UMAD1: variants seen among roughly 807,000 people sequenced by gnomAD.
UMAD1 encodes UBAP1-MVB12-associated (UMA) domain containing 1.
In UMAD1, 8 loss-of-function variants were observed where a neutral mutation model predicts 6.1. The ratio of observed to expected loss-of-function variants is 1.30; its 90% CI spans 0.76 to 2.35. The LOEUF (loss-of-function observed/expected upper bound fraction) is 2.35, where lower values mean the gene tolerates loss of function less well. Ranked by LOEUF, UMAD1 falls within the 30% of genes most tolerant of loss-of-function variation. The pLI, the probability that UMAD1 is intolerant of heterozygous loss-of-function variation, is 0.00. For missense variants in UMAD1, 130 were observed against 78.4 expected (o/e 1.66, Z -2.49); for synonymous variants, 56 against 31.4 (o/e 1.78, Z -2.61).
intron 2 of UMAD1, among the ~76,000 whole-genome samples, chr7:7,796,168 A>G (rs1353841292): frequency 6.6e-6 from 1 of 151,928 alleles, no homozygotes; most frequent in Non-Finnish European, 1.5e-5. Context: ...CAGGGTTAAC[A>G]GGAATTCTGA....
chr7:7,690,224 A>G (rs1263488363), intron 2 of UMAD1, among the ~76,000 whole-genome samples: 1 of 152,194 alleles, frequency 6.6e-6, no homozygotes, highest in African/African-American at 2.4e-5. Context: ...CATATTTTAA[A>G]TGTTACATAT....
intron 2 of UMAD1, among the ~76,000 whole-genome samples, chr7:7,753,106 A>G (rs753758441): frequency 1.3e-5 from 2 of 152,194 alleles, no homozygotes; most frequent in Non-Finnish European, 2.9e-5. Context: ...GTATTTTTTA[A>G]AATTGTTGTC....
At position 7,878,549 on chromosome 7, in the gene UMAD1, C is replaced by T. The variant is rs532997047; in HGVS notation, c.*1011C>T. The stretch of plus-strand genomic sequence containing the variant: ...CTTACTTTAATGAAAACAGAACTGC[C>T]ATTGGTCAATAAACTGTAAAGGGAA... On this transcript the variant is annotated 3_prime_UTR_variant, in exon 4 of 4. Transcript: ENST00000682710. 1.3e-5 allele frequency: 2 copies of T among 152,078 alleles called. No individual in the cohort carries two copies. The highest frequency in any genetic ancestry group is 1.3e-4 in the Admixed American group (2 of 15,270). The allele number at this position is 152,078 out of a possible 1,614,324, so 9.4% of individuals were successfully genotyped here. A position where few individuals can be genotyped will look rare whatever the true frequency, so the allele number is the denominator to read the frequency against.
At chr7:7,727,229 T>A (rs1437233923) in intron 2 of UMAD1, among the ~76,000 whole-genome samples, 4 of 152,240 alleles carry the variant, frequency 2.6e-5, no homozygotes, top group African/African-American at 4.8e-5. Context: ...AAAAACATGC[T>A]TGTTCATGTA....
Position 7,867,352 on chromosome 7 carries a change from C to T in UMAD1, c.157-9929C>T, listed in dbSNP as rs146857278. The stretch of plus-strand genomic sequence containing the variant: ...GAAGAGTGGAGCAGTAGGCATGCTC[C>T]ATATCAGATAAGCTCATCCGAAGAA... On this transcript the variant is annotated intron_variant, in intron 3 of 3. Transcript: ENST00000682710. Among the ~76,000 whole-genome samples, 4 of 152,140 alleles carry T rather than the reference C, an allele frequency of 2.6e-5. No homozygotes were observed. The East Asian group carries it at 7.7e-4, about 29-fold the overall frequency.
At chr7:7,652,247 A>G (rs1027121000) in intron 1 of UMAD1, among the ~76,000 whole-genome samples, 2 of 152,140 alleles carry the variant, frequency 1.3e-5, no homozygotes, top group Admixed American at 6.5e-5. Flanking sequence ...CTTTGATAGG[A>G]TTTCCGAGTA....
chr7:7,827,135 A>ATGTGTG (rs1178394302), intron 3 of UMAD1, among the ~76,000 whole-genome samples: 3,630 of 114,284 alleles, frequency 0.032, 67 homozygotes, highest in African/African-American at 0.04. Flanking sequence ...ATATATATAT[A>ATGTGTG]TATATATATA....
chr7:7,813,215 T>TTGC (rs1330444797), intron 3 of UMAD1, among the ~76,000 whole-genome samples: 1 of 151,252 alleles, frequency 6.6e-6, no homozygotes, highest in African/African-American at 2.5e-5. Context: ...GGTTTCTTTG[T>TTGC]TGTTGTTGTT....
chr7:7,742,267 CG>C, intron 2 of UMAD1: 1 of 665,466 alleles, frequency 1.5e-6, no homozygotes, highest in South Asian at 1.4e-5. Context: ...TGAACACAAG[CG>C]TGCTGTTGTC....
At chr7:7,789,117 T>C (rs1163769026) in intron 2 of UMAD1, among the ~76,000 whole-genome samples, 1 of 152,214 alleles carries the variant, frequency 6.6e-6, no homozygotes, top group African/African-American at 2.4e-5. Context: ...AAAAACAACA[T>C]TATTGTACTA....
At chr7:7,754,924 A>G (rs868547898) in intron 2 of UMAD1, among the ~76,000 whole-genome samples, 1 of 152,138 alleles carries the variant, frequency 6.6e-6, no homozygotes, top group Non-Finnish European at 1.5e-5. Context: ...CAACTTACAG[A>G]TTTATTTCAT....
Position 7,673,356 on chromosome 7 carries a change from AGCAGCAGCAG to A in UMAD1, c.-15_-6del, listed in dbSNP as rs1779657566. 1 of 1,287,692 alleles carries A rather than the reference AGCAGCAGCAG, an allele frequency of 7.8e-7. No individual in the cohort carries two copies. Among genetic ancestry groups the A allele is most frequent in the Non-Finnish European group, 1.1e-6 (1 of 918,880 alleles). 79.8% of individuals were successfully genotyped at this position (1,287,692 alleles called of 1,614,324 possible). On this transcript the variant is annotated 5_prime_UTR_variant, in exon 2 of 4. Transcript: ENST00000682710. Reference sequence around the variant, plus strand: ...CAGCAGCAGCAGCAGCAGCAGCAGCAGCAGCAGCAGCAGCAATGTTTCACTTCTTCAGAAA... The same window carrying A: ...CAGCAGCAGCAGCAGCAGCAGCAGCACAGCAATGTTTCACTTCTTCAGAAA...
intron 2 of UMAD1, among the ~76,000 whole-genome samples, chr7:7,788,246 C>A (rs548779819): frequency 6.6e-6 from 1 of 152,174 alleles, no homozygotes; most frequent in Non-Finnish European, 1.5e-5. Context: ...AGCAGACATG[C>A]GTTTTATTGG....
intron 1 of UMAD1, among the ~76,000 whole-genome samples, chr7:7,652,930 G>C (rs1159675159): frequency 6.6e-6 from 1 of 152,142 alleles, no homozygotes; most frequent in East Asian, 1.9e-4. Flanking sequence ...AAATGAGCGA[G>C]CAAATAGAAT....
intron 2 of UMAD1, among the ~76,000 whole-genome samples, chr7:7,800,157 A>G (rs1782769880): frequency 6.6e-6 from 1 of 152,260 alleles, no homozygotes; most frequent in African/African-American, 2.4e-5. Flanking sequence ...TGGTGGGATT[A>G]CAGGTGTGAG....
At chr7:7,778,986 A>G (rs1222669268) in intron 2 of UMAD1, among the ~76,000 whole-genome samples, 5 of 152,172 alleles carry the variant, frequency 3.3e-5, no homozygotes, top group Non-Finnish European at 7.4e-5. Flanking sequence ...TCAGTCTATT[A>G]TTATCTTCAT....
At chr7:7,844,858 T>G (rs1279757443) in intron 3 of UMAD1, among the ~76,000 whole-genome samples, 1 of 152,192 alleles carries the variant, frequency 6.6e-6, no homozygotes, top group Non-Finnish European at 1.5e-5. Flanking sequence ...GCCTTTATGC[T>G]TCTAAAAAGA....
At chr7:7,703,126 G>A (rs1780505128) in intron 2 of UMAD1, among the ~76,000 whole-genome samples, 1 of 152,106 alleles carries the variant, frequency 6.6e-6, no homozygotes, top group South Asian at 2.1e-4. Flanking sequence ...TCATATAATT[G>A]AATACAGCTG....
chr7:7,701,336 A>G (rs1394168362), intron 2 of UMAD1, among the ~76,000 whole-genome samples: 1 of 152,218 alleles, frequency 6.6e-6, no homozygotes, highest in Non-Finnish European at 1.5e-5. Context: ...CTTAAATTGA[A>G]GGTATGTGAC....
Sources: gnomAD v4.1 joint callset for allele counts (sites outside exome capture counted in the v4.1 genomes callset) on GRCh38, gnomAD v4.1.1 for gene constraint, MANE v1.5 for transcripts, NCBI Gene and HGNC (gene_info 2026-07-23, HGNC 2026-07-21) for gene names.